The following CORO2B variants were observed in gnomAD, a reference collection of about 807,000 sequenced individuals.
The protein encoded by CORO2B is coronin-2B.
CORO2B carries 26 observed loss-of-function variants against 58.8 expected under a neutral mutation model. The ratio of observed to expected loss-of-function variants is 0.44; its 90% CI spans 0.32 to 0.61. The LOEUF is 0.61. CORO2B is among the 20% of genes least tolerant of loss of function. The pLI is 0.04. For missense variants in CORO2B, 460 were observed against 645.1 expected (o/e 0.71, Z 3.11); for synonymous variants, 242 against 253.8 (o/e 0.95, Z 0.44).
At chr15:68,578,482 G>A (rs1005752062), upstream of CORO2B, among the ~76,000 whole-genome samples, 7 of 152,354 alleles carry the variant, frequency 4.6e-5, no homozygotes, top group Admixed American at 4.6e-4. The surrounding 1 kb of genome is among the most constrained non-coding windows in gnomAD (Gnocchi z 4.2). Flanking sequence ...AAATCCGTCT[G>A]GCCACCCTGT....
the CORO2B span, among the ~76,000 whole-genome samples, chr15:68,556,183 C>T: frequency 1.4e-4 from 22 of 152,284 alleles, no homozygotes; most frequent in East Asian, 5.8e-4. Context: ...CACAATGCCT[C>T]GTAATCACAG....
At chr15:68,595,076 A>G (rs1357844509) in intron 1 of CORO2B, among the ~76,000 whole-genome samples, 3 of 152,198 alleles carry the variant, frequency 2.0e-5, no homozygotes, top group Non-Finnish European at 4.4e-5. Context: ...TGAGTTGTGC[A>G]GTGAAGTGGA....
chr15:68,536,026 G>A, the CORO2B span, among the ~76,000 whole-genome samples: 4 of 152,142 alleles, frequency 2.6e-5, no homozygotes, highest in African/African-American at 9.7e-5. Flanking sequence ...AAACTTATAT[G>A]GTTCTGAAAA....
In CORO2B at chr15:68,710,021, C is replaced by T. The variant is rs1049881471; in HGVS notation, c.334-711C>T. Among the ~76,000 whole-genome samples, 2 of 152,232 alleles carry T rather than the reference C, an allele frequency of 1.3e-5. No homozygotes were observed. The highest frequency in any genetic ancestry group is 2.9e-5 in the Non-Finnish European group (2 of 68,038). On this transcript the variant is annotated intron_variant, in intron 3 of 11. Transcript: ENST00000261861. The surrounding 1 kb of genome is among the most constrained non-coding windows in gnomAD (Gnocchi z 4.1). ...AGACTGCAGAGAAACAGCTCAGTCT[C>T]TCCCTGTCTGGGGCCACGTGGTCTC...
the CORO2B span, among the ~76,000 whole-genome samples, chr15:68,544,517 A>G: frequency 6.6e-6 from 1 of 152,342 alleles, no homozygotes; most frequent in South Asian, 2.1e-4. Flanking sequence ...GAGGATGCAG[A>G]GGATGGCCCC....
At position 68,710,580 on chromosome 15, in the gene CORO2B, A is replaced by G. The variant is rs1208826010; in HGVS notation, c.334-152A>G. On this transcript the variant is annotated intron_variant, in intron 3 of 11. Coordinates refer to ENST00000261861, the MANE Select transcript of CORO2B (RefSeq NM_006091.5). The surrounding 1 kb of genome is among the most constrained non-coding windows in gnomAD (Gnocchi z 4.1). ...CAGCCACACCCTGAGACCTCCCAGC[A>G]GGCCTCAGTCGAGCTTTGCCCATCG... 8 of 845,068 alleles carry G rather than the reference A, an allele frequency of 9.5e-6. No homozygotes were observed. The highest frequency in any genetic ancestry group is 2.9e-5 in the East Asian group (1 of 34,698). 52.3% of individuals were successfully genotyped at this position (845,068 alleles called of 1,614,324 possible).
intron 1 of CORO2B, among the ~76,000 whole-genome samples, chr15:68,642,773 G>GTCAC (rs1030692737): frequency 5.3e-5 from 8 of 152,314 alleles, no homozygotes; most frequent in African/African-American, 1.9e-4. Context: ...TTCTGAGAAG[G>GTCAC]TCACTGTGGA....
At chr15:68,723,829 A>G (rs1893226701) in intron 11 of CORO2B, among the ~76,000 whole-genome samples, 1 of 152,064 alleles carries the variant, frequency 6.6e-6, no homozygotes, top group South Asian at 2.1e-4. Context: ...AGTCCCAGCT[A>G]CTCAGGAGGC....
At chr15:68,576,346 G>T (rs1899288184), upstream of CORO2B, among the ~76,000 whole-genome samples, 3 of 152,058 alleles carry the variant, frequency 2.0e-5, no homozygotes, top group Admixed American at 6.6e-5. Context: ...GGAGGGATCA[G>T]AAACATTTTC....
chr15:68,538,326 T>C, the CORO2B span, among the ~76,000 whole-genome samples: 1 of 152,230 alleles, frequency 6.6e-6, no homozygotes, highest in Non-Finnish European at 1.5e-5. Context: ...AAATAATGTA[T>C]ATTTTCAAAG....
chr15:68,550,583 C>T, the CORO2B span, among the ~76,000 whole-genome samples: 1 of 152,202 alleles, frequency 6.6e-6, no homozygotes, highest in Non-Finnish European at 1.5e-5. Context: ...ATGGAAGATG[C>T]AATGGTACTT....
intron 6 of CORO2B, 68 bp downstream of exon 6, chr15:68,714,109 C>T: frequency 2.0e-6 from 2 of 1,022,078 alleles, no homozygotes; most frequent in Non-Finnish European, 1.5e-6. Context: ...GTCACTTCCT[C>T]AGAAAGTCAG....
chr15:68,701,633 G>A (rs1434657890), intron 3 of CORO2B, among the ~76,000 whole-genome samples: 1 of 151,312 alleles, frequency 6.6e-6, no homozygotes. Context: ...CTACAGGTGC[G>A]CGCCACCATG....
the CORO2B span, among the ~76,000 whole-genome samples, chr15:68,547,716 C>T: frequency 6.6e-6 from 1 of 152,162 alleles, no homozygotes; most frequent in Non-Finnish European, 1.5e-5. Flanking sequence ...CTCCTCTCCC[C>T]AAAGACAATT....
intron 1 of CORO2B, among the ~76,000 whole-genome samples, chr15:68,615,827 T>C (rs2140248122): frequency 6.6e-6 from 1 of 152,316 alleles, no homozygotes; most frequent in Middle Eastern, 3.4e-3. Context: ...AAATTTATGT[T>C]GTTCATAAGC....
the CORO2B span, among the ~76,000 whole-genome samples, chr15:68,553,091 C>T: frequency 2.6e-5 from 4 of 152,258 alleles, no homozygotes; most frequent in East Asian, 1.9e-4. Flanking sequence ...GGGAGTGAGA[C>T]GAGTCAAAGG....
chr15:68,623,888 G>A (rs9806329), intron 1 of CORO2B, among the ~76,000 whole-genome samples: 2,472 of 152,254 alleles, frequency 0.016, 70 homozygotes, highest in African/African-American at 0.057. Context: ...GCAGCTGAGC[G>A]TGGGTCGCAC....
In CORO2B at chr15:68,600,845, G is replaced by A. The variant is rs976587627; in HGVS notation, c.15+21568G>A. Among the ~76,000 whole-genome samples, 7 of 152,218 alleles carry A rather than the reference G, an allele frequency of 4.6e-5. No homozygotes were observed. The South Asian group carries it at 8.3e-4, about 18-fold the overall frequency. On this transcript the variant is annotated intron_variant, in intron 1 of 11. Transcript: ENST00000261861. Reference sequence around the variant, plus strand: ...GGTCCCCCACGGGGAGACAAGAAGCGTGGGAGGAAGGTGAGGAGGGAGAGA... The same window carrying A: ...GGTCCCCCACGGGGAGACAAGAAGCATGGGAGGAAGGTGAGGAGGGAGAGA...
At chr15:68,644,741 G>A (rs1901366566) in intron 1 of CORO2B, among the ~76,000 whole-genome samples, 1 of 152,116 alleles carries the variant, frequency 6.6e-6, no homozygotes, top group African/African-American at 2.4e-5. Context: ...CTCAATCTTG[G>A]TAAACACTGG....
Sources: allele counts gnomAD v4.1 joint callset (sites outside exome capture counted in the v4.1 genomes callset), GRCh38; gene constraint gnomAD v4.1.1; non-coding constraint Gnocchi (gnomAD v3.1); transcripts MANE v1.5; gene names NCBI Gene and HGNC (gene_info 2026-07-23, HGNC 2026-07-21).